Variants in ACOXL observed in about 807,000 individuals in gnomAD.
ACOXL encodes the protein acyl-coenzyme A oxidase-like protein.
In ACOXL, 70 loss-of-function variants were observed where a neutral mutation model predicts 71.9. The ratio of observed to expected loss-of-function variants is 0.97; its 90% confidence interval spans 0.80 to 1.19. The LOEUF (loss-of-function observed/expected upper bound fraction) is 1.19. Among genes scored for constraint, ACOXL ranks in the 50% most tolerant of loss-of-function variants. The probability of loss-of-function intolerance (pLI) is 0.00; values close to 1 mark genes in which losing one functional copy is unlikely to be tolerated. For synonymous variants in ACOXL, 253 were observed against 281.6 expected (o/e 0.90, Z 1.02); for missense variants, 703 against 736.3 (o/e 0.95, Z 0.52).
At chr2:110,809,182 C>G (rs1687016075) in intron 9 of ACOXL, among the ~76,000 whole-genome samples, 1 of 152,252 alleles carries the variant, frequency 6.6e-6, no homozygotes, top group Non-Finnish European at 1.5e-5. Flanking sequence ...AGTCTTCTTT[C>G]TTTCTTCCTC....
chr2:110,811,400 C>T (rs991743369), intron 9 of ACOXL, among the ~76,000 whole-genome samples: 3 of 152,108 alleles, frequency 2.0e-5, no homozygotes, highest in Non-Finnish European at 4.4e-5. Context: ...CCTCTGCCTC[C>T]GCAGACAGTG....
intron 2 of ACOXL, among the ~76,000 whole-genome samples, chr2:110,771,978 C>G (rs1251840747): frequency 1.3e-5 from 2 of 152,218 alleles, no homozygotes; most frequent in African/African-American, 2.4e-5. Context: ...AGTCTGACAG[C>G]CTGCACTGAT....
intron 9 of ACOXL, among the ~76,000 whole-genome samples, chr2:110,831,632 T>G (rs1022831810): frequency 2.6e-5 from 4 of 152,178 alleles, no homozygotes. Context: ...GATAAACAAT[T>G]CTGAAAAAGA....
At chr2:110,843,684 AG>A (rs1691455429) in intron 10 of ACOXL, among the ~76,000 whole-genome samples, 1 of 152,230 alleles carries the variant, frequency 6.6e-6, no homozygotes, top group Admixed American at 6.5e-5. Flanking sequence ...TTTAGGCTCC[AG>A]CCCCCACGTT....
At chr2:111,092,186 G>T (rs574232841) in intron 16 of ACOXL, among the ~76,000 whole-genome samples, 2 of 152,316 alleles carry the variant, frequency 1.3e-5, no homozygotes, top group African/African-American at 2.4e-5. Context: ...GTGGATATGG[G>T]TGATGGAGAC....
chr2:110,863,877 GC>G (rs1287640842), intron 10 of ACOXL, among the ~76,000 whole-genome samples: 2 of 152,152 alleles, frequency 1.3e-5, no homozygotes, highest in Non-Finnish European at 2.9e-5. Flanking sequence ...AGAAATCAAA[GC>G]AAATACAGGC....
intron 10 of ACOXL, among the ~76,000 whole-genome samples, chr2:110,876,054 A>G (rs1463844474): frequency 6.6e-6 from 1 of 152,188 alleles, no homozygotes; most frequent in Admixed American, 6.5e-5. Context: ...TGGACACATC[A>G]TCATATCTAG....
rs60758688 is a variant in ACOXL, at chr2:110,900,086, T to TACACACACAC, written c.789-8668_789-8659dup. On this transcript the variant is annotated intron_variant, in intron 10 of 17. Coordinates refer to ENST00000439055, the MANE Select transcript of ACOXL (RefSeq NM_001142807.4). ...GAAAGCTTTTCAACACACACACACA[T>TACACACACAC]ACACACACACACACACACACACACA... 2.0e-3 allele frequency among the ~76,000 whole-genome samples: 293 copies of TACACACACAC among 143,314 alleles called. 1 individual carries two copies. Among genetic ancestry groups the TACACACACAC allele is most frequent in the Admixed American group, 5.8e-3 (84 of 14,510 alleles). The allele number at this position is 143,314 out of a possible 152,430, so 94.0% of individuals were successfully genotyped here.
chr2:110,920,834 A>G (rs1053861511), intron 11 of ACOXL, among the ~76,000 whole-genome samples: 7 of 152,078 alleles, frequency 4.6e-5, no homozygotes, highest in Admixed American at 3.3e-4. Context: ...ATATCTTTTC[A>G]TTTATTTAGG....
At chr2:111,073,665 T>C (rs1320522519) in intron 16 of ACOXL, among the ~76,000 whole-genome samples, 1 of 152,238 alleles carries the variant, frequency 6.6e-6, no homozygotes, top group Non-Finnish European at 1.5e-5. Flanking sequence ...AGTATAACTT[T>C]ATACTAAGCC....
At chr2:110,745,059 T>C (rs994446991) in intron 1 of ACOXL, among the ~76,000 whole-genome samples, 2 of 152,216 alleles carry the variant, frequency 1.3e-5, no homozygotes, top group African/African-American at 4.8e-5. Context: ...GCGAGTTGGT[T>C]TTCTGTTGCT....
intron 12 of ACOXL, among the ~76,000 whole-genome samples, chr2:110,940,891 A>G (rs1484923424): frequency 6.6e-6 from 1 of 152,260 alleles, no homozygotes; most frequent in Admixed American, 6.5e-5. Context: ...CGTGCAGAGT[A>G]CAAATAGAAG....
intron 8 of ACOXL, among the ~76,000 whole-genome samples, chr2:110,804,833 G>A (rs967546000): frequency 6.6e-5 from 10 of 152,178 alleles, no homozygotes; most frequent in Non-Finnish European, 4.4e-5. Flanking sequence ...TGGAGGGAGG[G>A]GAGTATGGGG....
chr2:111,090,061 C>T (rs1327195161), intron 16 of ACOXL, among the ~76,000 whole-genome samples: 3 of 152,130 alleles, frequency 2.0e-5, no homozygotes. Context: ...TTTTTAAAGG[C>T]TATTGTCTGG....
intron 16 of ACOXL, among the ~76,000 whole-genome samples, chr2:111,082,964 C>G (rs549707628): frequency 2.0e-4 from 30 of 151,930 alleles, no homozygotes; most frequent in Non-Finnish European, 4.4e-5. Context: ...TGTTCTCACT[C>G]ATAAGTGGGA....
At chr2:110,782,795 G>A (rs1333136300) in intron 2 of ACOXL, among the ~76,000 whole-genome samples, 3 of 152,162 alleles carry the variant, frequency 2.0e-5, no homozygotes, top group East Asian at 1.9e-4. Context: ...TTGGAAATTC[G>A]GGGGGCTGTG....
At chr2:110,860,613 T>A (rs1169945810) in intron 10 of ACOXL, among the ~76,000 whole-genome samples, 1 of 152,208 alleles carries the variant, frequency 6.6e-6, no homozygotes, top group Non-Finnish European at 1.5e-5. Flanking sequence ...AAGATCAGTG[T>A]GTGTACTTAA....
At chr2:111,037,161 C>A (rs1439026166) in intron 15 of ACOXL, among the ~76,000 whole-genome samples, 4 of 152,138 alleles carry the variant, frequency 2.6e-5, no homozygotes, top group Non-Finnish European at 5.9e-5. Context: ...GGGTTCCCTC[C>A]CCAAGCTTCT....
intron 1 of ACOXL, among the ~76,000 whole-genome samples, chr2:110,759,402 GTTGAA>G (rs1487109550): frequency 2.6e-5 from 4 of 152,146 alleles, no homozygotes; most frequent in African/African-American, 4.8e-5. Context: ...GGCTCTTCTT[GTTGAA>G]TTGAACACTT....
Sources: allele counts gnomAD v4.1 joint callset (sites outside exome capture counted in the v4.1 genomes callset), GRCh38; gene constraint gnomAD v4.1.1; transcripts MANE v1.5; gene names NCBI Gene and HGNC (gene_info 2026-07-23, HGNC 2026-07-21).